Variants in MAPK10 observed in about 807,000 individuals in gnomAD.
The protein encoded by MAPK10 is mitogen-activated protein kinase 10, also known as JNK3 alpha protein kinase.
A neutral mutation model predicts 59.3 loss-of-function variants in MAPK10; 25 were observed. The observed-to-expected ratio is 0.42, with a 90% CI of 0.31 to 0.59. The LOEUF (loss-of-function observed/expected upper bound fraction) is 0.59. Among genes scored for constraint, MAPK10 ranks in the 20% least tolerant of loss-of-function variants. The pLI, the probability that MAPK10 is intolerant of heterozygous loss-of-function variation, is 0.15. For synonymous variants in MAPK10, 190 were observed against 200.5 expected (o/e 0.95, Z 0.44); for missense variants, 351 against 568.9 (o/e 0.62, Z 3.90).
rs557915506 is a variant in MAPK10 at position 86,311,070 on chromosome 4, A to G, written c.-7+43460T>C. ...CACACACACACACACACACACACAT[A>G]CATGCACCCCAACAGAGTCAACCAT... On this transcript the variant is annotated intron_variant, in intron 2 of 13. Coordinates refer to ENST00000641462, the MANE Select transcript of MAPK10 (RefSeq NM_138982.4). Among the ~76,000 whole-genome samples, 1,267 of 151,036 alleles carry G rather than the reference A, an allele frequency of 8.4e-3. 22 individuals are homozygous for G. The highest frequency in any genetic ancestry group is 0.03 in the African/African-American group (1,212 of 40,956).
intron 2 of MAPK10, among the ~76,000 whole-genome samples, chr4:86,287,225 A>G (rs947025678): frequency 6.6e-6 from 1 of 152,236 alleles, no homozygotes; most frequent in African/African-American, 2.4e-5. Flanking sequence ...AACAACCCAC[A>G]AAAACCTTTT....
At chr4:86,424,700 C>T (rs570900589) in intron 1 of MAPK10, among the ~76,000 whole-genome samples, 1 of 152,132 alleles carries the variant, frequency 6.6e-6, no homozygotes, top group African/African-American at 2.4e-5. Flanking sequence ...TGAGGGGTAG[C>T]ATGATCATGA....
intron 1 of MAPK10, among the ~76,000 whole-genome samples, chr4:86,570,772 A>G (rs1761389318): frequency 6.6e-6 from 1 of 152,176 alleles, no homozygotes; most frequent in Non-Finnish European, 1.5e-5. Flanking sequence ...GACTTCCTGG[A>G]GTAGGTGACA....
chr4:86,049,125 G>T (rs1394393662), intron 11 of MAPK10, among the ~76,000 whole-genome samples: 1 of 152,002 alleles, frequency 6.6e-6, no homozygotes, highest in East Asian at 1.9e-4. Flanking sequence ...ATGGGGAACA[G>T]AATCACTTGA....
intron 1 of MAPK10, among the ~76,000 whole-genome samples, chr4:86,478,955 A>G (rs1753349058): frequency 6.6e-6 from 1 of 152,098 alleles, no homozygotes; most frequent in African/African-American, 2.4e-5. Flanking sequence ...GAGATTATTC[A>G]GGCCCCCTCC....
chr4:86,352,713 T>C (rs1732205321), intron 2 of MAPK10, among the ~76,000 whole-genome samples: 1 of 152,232 alleles, frequency 6.6e-6, no homozygotes, highest in Admixed American at 6.5e-5. Flanking sequence ...TTTGTTTACA[T>C]GATGTTTGAT....
chr4:86,040,743 A>C (rs767981713), intron 11 of MAPK10: 2 of 152,122 alleles, frequency 1.3e-5, no homozygotes, highest in Non-Finnish European at 2.9e-5. Context: ...GAAGCAAATA[A>C]CATTTAAGGG....
chr4:86,129,171 T>C (rs1325676929), intron 4 of MAPK10, among the ~76,000 whole-genome samples: 2 of 152,166 alleles, frequency 1.3e-5, no homozygotes, highest in Admixed American at 6.6e-5. Flanking sequence ...TACAGACATT[T>C]GGCAAACCAG....
intron 1 of MAPK10, among the ~76,000 whole-genome samples, chr4:86,420,652 G>A (rs879416425): frequency 6.6e-6 from 1 of 152,076 alleles, no homozygotes; most frequent in Non-Finnish European, 1.5e-5. Flanking sequence ...ACCCAGGCAT[G>A]GTAGCATACA....
chr4:86,382,260 G>A (rs968173055), intron 1 of MAPK10, among the ~76,000 whole-genome samples: 2 of 151,784 alleles, frequency 1.3e-5, no homozygotes, highest in Non-Finnish European at 2.9e-5. Flanking sequence ...GGTGGAAAGT[G>A]GATTCGGAGA....
At chr4:86,402,405 T>G (rs1013114099) in intron 1 of MAPK10, among the ~76,000 whole-genome samples, 10 of 152,204 alleles carry the variant, frequency 6.6e-5, no homozygotes, top group Admixed American at 5.2e-4. Context: ...AGAAACATAC[T>G]TGATTATCCT....
chr4:86,414,645 T>C (rs897219278), intron 1 of MAPK10, among the ~76,000 whole-genome samples: 1 of 152,192 alleles, frequency 6.6e-6, no homozygotes, highest in African/African-American at 2.4e-5. Context: ...CCTGTTCCTA[T>C]TATTTGGCCA....
At chr4:86,415,838 G>A (rs1267696222) in intron 1 of MAPK10, among the ~76,000 whole-genome samples, 1 of 152,134 alleles carries the variant, frequency 6.6e-6, no homozygotes, top group Non-Finnish European at 1.5e-5. Flanking sequence ...GAGTAGAATG[G>A]AACTCCAGAG....
intron 1 of MAPK10, among the ~76,000 whole-genome samples, chr4:86,493,286 T>C (rs1015447454): frequency 2.6e-5 from 4 of 152,232 alleles, no homozygotes; most frequent in Non-Finnish European, 2.9e-5. Flanking sequence ...CTCCTTTAAA[T>C]TTAATTTGGC....
At chr4:86,163,231 G>A (rs934911007) in intron 3 of MAPK10, among the ~76,000 whole-genome samples, 6 of 152,098 alleles carry the variant, frequency 3.9e-5, no homozygotes, top group Non-Finnish European at 7.4e-5. Context: ...AATATGATGT[G>A]TTAAAGAGCT....
At chr4:86,359,471 G>A (rs958102031) in intron 1 of MAPK10, among the ~76,000 whole-genome samples, 187 bp downstream of exon 1, 2 of 151,868 alleles carry the variant, frequency 1.3e-5, no homozygotes, top group African/African-American at 2.4e-5. Context: ...GGAAAGAGAT[G>A]TTCTGCACAG....
At chr4:86,087,956 A>C (rs1215290301) in intron 9 of MAPK10, among the ~76,000 whole-genome samples, 1 of 152,122 alleles carries the variant, frequency 6.6e-6, no homozygotes, top group Non-Finnish European at 1.5e-5. Context: ...GATTTAGTCT[A>C]ATTACACATT....
At chr4:86,520,590 A>T (rs1757040627) in intron 1 of MAPK10, among the ~76,000 whole-genome samples, 1 of 152,038 alleles carries the variant, frequency 6.6e-6, no homozygotes, top group South Asian at 2.1e-4. Flanking sequence ...CTTAATAATC[A>T]ATCTTCTGAA....
At chr4:86,271,631 G>C (rs1286645554) in intron 2 of MAPK10, among the ~76,000 whole-genome samples, 3 of 151,944 alleles carry the variant, frequency 2.0e-5, no homozygotes, top group Non-Finnish European at 4.4e-5. Flanking sequence ...TATTATGTAA[G>C]GGAAAGAGGT....
Sources: gnomAD v4.1 joint callset for allele counts (sites outside exome capture counted in the v4.1 genomes callset) on GRCh38, gnomAD v4.1.1 for gene constraint, MANE v1.5 for transcripts, NCBI Gene and HGNC (gene_info 2026-07-23, HGNC 2026-07-21) for gene names.